The following DOP1A variants were observed in gnomAD, a reference collection of about 807,000 sequenced individuals.
The protein encoded by DOP1A is protein DOP1A.
DOP1A carries 90 observed loss-of-function variants against 267.6 expected under a neutral mutation model. The ratio of observed to expected loss-of-function variants is 0.34; its 90% CI spans 0.28 to 0.40. The LOEUF is 0.40. DOP1A is among the 10% of genes least tolerant of loss of function. The pLI, the probability that DOP1A is intolerant of heterozygous loss-of-function variation, is 1.00. For synonymous variants in DOP1A, 932 were observed against 999.1 expected (o/e 0.93, Z 1.27); for missense variants, 2,437 against 2,900.4 (o/e 0.84, Z 3.67).
Position 83,096,957 on chromosome 6 carries a change from C to T in DOP1A, c.-21C>T. On this transcript the variant is annotated 5_prime_UTR_variant, in exon 3 of 39. Coordinates refer to ENST00000349129, the MANE Select transcript of DOP1A (RefSeq NM_015018.4). ...CTTTACATGAGTTTGGAACTGGTCT[C>T]TAGTGGGAAGTTGTGGGAGGATGAA... 1.2e-6 allele frequency: 2 copies of T among 1,612,470 alleles called. No homozygotes were observed. The highest frequency in any genetic ancestry group is 1.7e-6 in the Non-Finnish European group (2 of 1,179,236).
intron 1 of DOP1A, among the ~76,000 whole-genome samples, chr6:83,074,733 G>A (rs769711056): frequency 8.5e-5 from 13 of 152,174 alleles, no homozygotes; most frequent in Non-Finnish European, 1.5e-4. Flanking sequence ...GTGAATCAAC[G>A]TGAATGTACT....
At position 83,128,875 on chromosome 6, in the gene DOP1A, A is replaced by C. The variant is rs1189668712; in HGVS notation, c.1720-12A>C. 9.9e-6 allele frequency: 15 copies of C among 1,512,470 alleles called. No homozygotes were observed. Among genetic ancestry groups the C allele is most frequent in the Non-Finnish European group, 1.2e-5 (14 of 1,132,452 alleles). The allele number at this position is 1,512,470 out of a possible 1,614,324, so 93.7% of individuals were successfully genotyped here. A position where few individuals can be genotyped will look rare whatever the true frequency, so the allele number is the denominator to read the frequency against. ...CTACTCAGCCTTTTGTTTTCTTAAA[A>C]ATCTCTAACAGGTATCATCAGTTTC... On this transcript the variant is annotated splice_polypyrimidine_tract_variant and intron_variant, in intron 15 of 38. Transcript: ENST00000349129.
intron 4 of DOP1A, among the ~76,000 whole-genome samples, chr6:83,102,823 C>T (rs575132059): frequency 2.0e-5 from 3 of 152,324 alleles, no homozygotes; most frequent in South Asian, 4.1e-4. Flanking sequence ...AGTACTCTGA[C>T]CCTGGCTTTG....
Position 83,137,700 on chromosome 6 carries a change from T to A in DOP1A, c.3658T>A (p.Ser1220Thr). The change falls in exon 21 of 39, where the codon TCT (serine) becomes ACT (threonine). Residue 1220 changes from serine to threonine, a missense_variant. This residue lies in a region of DOP1A where 878 missense variants were observed against 992.9 expected (regional missense o/e 0.88). Transcript: ENST00000349129. ...SNESSQFLSV[S>T]AEGGHECVAN... Reference sequence around the variant, plus strand: ...TGAAAGTTCTCAGTTTCTGTCTGTGTCTGCAGAGGGAGGCCATGAGTGTGT... The same window carrying A: ...TGAAAGTTCTCAGTTTCTGTCTGTGACTGCAGAGGGAGGCCATGAGTGTGT... 1.2e-6 allele frequency: 2 copies of A among 1,613,644 alleles called. No homozygotes were observed. Among genetic ancestry groups the A allele is most frequent in the Non-Finnish European group, 1.7e-6 (2 of 1,179,800 alleles).
intron 17 of DOP1A, among the ~76,000 whole-genome samples, chr6:83,131,135 GA>G (rs1439944192): frequency 6.6e-6 from 1 of 151,984 alleles, no homozygotes; most frequent in Non-Finnish European, 1.5e-5. Flanking sequence ...AAGTCACTCA[GA>G]AAAAAATTCA....
In DOP1A at chr6:83,135,737, T is replaced by C. The variant is rs758162761; in HGVS notation, c.2989T>C (p.Leu997=). 5 of 1,613,696 alleles carry C rather than the reference T, an allele frequency of 3.1e-6. No homozygotes were observed. The highest frequency in any genetic ancestry group is 1.1e-5 in the South Asian group (1 of 91,066). The change falls in exon 20 of 39, where the codon TTG becomes CTG. Residue 997 remains leucine, a synonymous_variant. Coordinates refer to ENST00000349129, the MANE Select transcript of DOP1A (RefSeq NM_015018.4). ...RHDIARVLEP[L]LLLLLHPKTQ... is the part of the protein sequence containing the mutation. ...TGATATTGCACGAGTTTTGGAACCA[T>C]TGCTATTGCTCCTGCTTCATCCAAA...
intron 25 of DOP1A, among the ~76,000 whole-genome samples, chr6:83,145,889 T>C (rs1309745862): frequency 6.6e-6 from 1 of 152,228 alleles, no homozygotes; most frequent in Non-Finnish European, 1.5e-5. Context: ...TCTTCATATG[T>C]ACCTCAAAGG....
At position 83,159,925 on chromosome 6, in the gene DOP1A, C is replaced by G. The variant is rs376756770; in HGVS notation, c.6927C>G (p.Leu2309=). ...CTTGCAAATTTTTGGATTTGGCTCT[C>G]GCATTGCCCTCTGAAAACCTTCCTC... ...LSACKFLDLA[L]ALPSENLPQF... is the part of the protein sequence containing the mutation. Residue 2309 remains leucine, a synonymous_variant, in exon 37 of 39, where the codon CTC becomes CTG. Transcript: ENST00000349129. The G allele has an allele frequency of 1.2e-6, 2 of 1,614,096 alleles. No individual in the cohort carries two copies. The highest frequency in any genetic ancestry group is 1.7e-6 in the Non-Finnish European group (2 of 1,180,014).
intron 24 of DOP1A, among the ~76,000 whole-genome samples, chr6:83,144,483 A>G (rs1469973036): frequency 6.6e-6 from 1 of 152,198 alleles, no homozygotes; most frequent in Admixed American, 6.5e-5. Context: ...GAGAAAATGA[A>G]GCAAACAAAG....
At chr6:83,125,052 GT>G in intron 13 of DOP1A, 113 bp from the exon 14 acceptor site, 1 of 993,682 alleles carries the variant, frequency 1.0e-6, no homozygotes, top group Non-Finnish European at 1.5e-6. Context: ...ACTGTTTAGT[GT>G]ATAGTGGTCT....
intron 33 of DOP1A, among the ~76,000 whole-genome samples, chr6:83,154,629 G>A (rs1174154461): frequency 6.6e-6 from 1 of 152,104 alleles, no homozygotes; most frequent in African/African-American, 2.4e-5. Flanking sequence ...CAAAAGGCAG[G>A]CAGTCGAATC....
chr6:83,166,841 C>T, intron 38 of DOP1A: 1 of 1,003,200 alleles, frequency 1.0e-6, no homozygotes, highest in Non-Finnish European at 1.2e-6. Flanking sequence ...AACATCTGAT[C>T]TTAGAAGGCA....
intron 27 of DOP1A, among the ~76,000 whole-genome samples, chr6:83,149,754 T>C (rs576602041): frequency 1.7e-4 from 26 of 151,858 alleles, no homozygotes; most frequent in African/African-American, 5.8e-4. Context: ...ATTGATGGGA[T>C]TGAAAGAACA....
At chr6:83,089,772 G>A (rs940109070) in intron 1 of DOP1A, among the ~76,000 whole-genome samples, 1 of 152,102 alleles carries the variant, frequency 6.6e-6, no homozygotes, top group Non-Finnish European at 1.5e-5. Flanking sequence ...AAACAAAACA[G>A]CTCATTTGAC....
intron 11 of DOP1A, among the ~76,000 whole-genome samples, chr6:83,122,641 A>G (rs765141851): frequency 6.6e-6 from 1 of 151,942 alleles, no homozygotes; most frequent in Non-Finnish European, 1.5e-5. Flanking sequence ...TGCAAGTCTC[A>G]TTTCTGATCT....
rs942092248 is a variant in DOP1A at position 83,138,651 on chromosome 6, T to G, written c.4609T>G (p.Phe1537Val). 1.9e-6 allele frequency: 3 copies of G among 1,613,862 alleles called. No individual in the cohort carries two copies. Among genetic ancestry groups the G allele is most frequent in the Admixed American group, 1.7e-5 (1 of 59,994 alleles). Residue 1537 changes from phenylalanine (F) to valine (V), a missense_variant, in exon 21 of 39, where the codon TTT becomes GTT. Phe to Val is a conservative substitution (Grantham distance 50). Around this residue, in one of 9 missense-constraint regions of DOP1A, gnomAD observed 878 missense variants for 992.9 expected, o/e 0.88. Transcript: ENST00000349129. ...VILHCLLSSI[F>V]SAQKWHSEKM... ...TCTTCATTGTTTGCTGTCATCTATC[T>G]TTAGTGCTCAGAAATGGCATAGTGA...
At chr6:83,163,235 G>T (rs1182780467) in intron 38 of DOP1A, among the ~76,000 whole-genome samples, 1 of 152,098 alleles carries the variant, frequency 6.6e-6, no homozygotes, top group African/African-American at 2.4e-5. Flanking sequence ...AACCATACAT[G>T]TGAGTATTTA....
rs1255169603 is a variant in DOP1A, at chr6:83,128,888, TATC to T, written c.1726_1728del (p.Ser576del). ...TGTTTTCTTAAAAATCTCTAACAGG[TATC>T]ATCAGTTTCTCATGAAAATCCTACT... is the stretch of plus-strand genomic sequence containing the variant. On this transcript the variant is annotated inframe_deletion and splice_region_variant, in exon 16 of 39. Coordinates refer to ENST00000349129, the MANE Select transcript of DOP1A (RefSeq NM_015018.4). 3.9e-6 allele frequency: 6 copies of T among 1,519,504 alleles called. No homozygotes were observed. The highest frequency in any genetic ancestry group is 2.8e-5 in the African/African-American group (2 of 71,822). The allele number at this position is 1,519,504 out of a possible 1,614,324, so 94.1% of individuals were successfully genotyped here. A position where few individuals can be genotyped will look rare whatever the true frequency, so the allele number is the denominator to read the frequency against.
In DOP1A at chr6:83,137,466, G is replaced by C; in HGVS notation, c.3424G>C (p.Glu1142Gln). Residue 1142 changes from glutamate (E) to glutamine (Q), a missense_variant, in exon 21 of 39, where the codon GAA (glutamate) becomes CAA (glutamine). Coordinates refer to ENST00000349129, the MANE Select transcript of DOP1A (RefSeq NM_015018.4). Reference sequence around the variant, plus strand: ...CCAAGAGGATTCTCAAATGCCCAAGGAAAGCTCCCCAGATGATGATGTTCA... The same window carrying C: ...CCAAGAGGATTCTCAAATGCCCAAGCAAAGCTCCCCAGATGATGATGTTCA... ...NAQEDSQMPK[E>Q]SSPDDDVQQV... 6.2e-7 allele frequency: 1 copy of C among 1,613,776 alleles called. No individual in the cohort carries two copies. Among genetic ancestry groups the C allele is most frequent in the Non-Finnish European group, 8.5e-7 (1 of 1,179,852 alleles).
Sources: allele counts gnomAD v4.1 joint callset (sites outside exome capture counted in the v4.1 genomes callset), GRCh38; gene constraint gnomAD v4.1.1; regional missense constraint gnomAD v4.1.1; transcripts MANE v1.5; gene names NCBI Gene and HGNC (gene_info 2026-07-23, HGNC 2026-07-21).